Variants in NRG4 observed in about 807,000 individuals in gnomAD.
The protein encoded by NRG4 is neuregulin 4.
Under a neutral mutation model 15.0 loss-of-function variants are expected in NRG4, and 10 were observed. The observed-to-expected ratio is 0.67, with a 90% CI of 0.41 to 1.13. The LOEUF (loss-of-function observed/expected upper bound fraction) is 1.13. NRG4 is among the 50% of genes most tolerant of loss of function. The pLI is 0.00. For missense variants in NRG4, 139 were observed against 140.2 expected (o/e 0.99, Z 0.04); for synonymous variants, 41 against 50.1 (o/e 0.82, Z 0.77).
At chr15:76,009,386 C>G in intron 2 of NRG4, 93 bp from the exon 3 acceptor site, 2 of 574,418 alleles carry the variant, frequency 3.5e-6, no homozygotes, top group Non-Finnish European at 6.1e-6. Flanking sequence ...ACTGAAGTAG[C>G]AATTCTGAAA....
At chr15:75,945,070 A>C (rs1397073048) in intron 5 of NRG4, among the ~76,000 whole-genome samples, 2 of 152,038 alleles carry the variant, frequency 1.3e-5, no homozygotes, top group Non-Finnish European at 2.9e-5. Context: ...AAAAAAATCA[A>C]GAGGCAAACC....
chr15:76,002,499 A>G (rs542430859), intron 3 of NRG4, among the ~76,000 whole-genome samples: 9 of 152,214 alleles, frequency 5.9e-5, no homozygotes, highest in Admixed American at 2.6e-4. Context: ...TAGCCATATC[A>G]GTAAGTTCAT....
intron 3 of NRG4, among the ~76,000 whole-genome samples, chr15:75,996,236 T>C (rs924066844): frequency 6.6e-6 from 1 of 152,302 alleles, no homozygotes; most frequent in East Asian, 1.9e-4. Context: ...CTAATCAATG[T>C]GTATCTGCTG....
At chr15:75,976,708 T>A (rs1164807193) in intron 3 of NRG4, among the ~76,000 whole-genome samples, 1 of 152,160 alleles carries the variant, frequency 6.6e-6, no homozygotes, top group East Asian at 1.9e-4. Context: ...GGAAGCTTCA[T>A]CCTAGAGGGG....
intron 5 of NRG4, among the ~76,000 whole-genome samples, chr15:75,954,451 A>T (rs1278954811): frequency 1.4e-5 from 2 of 139,588 alleles, no homozygotes; most frequent in East Asian, 2.0e-4. Flanking sequence ...TTTTTTTGAG[A>T]CGGAATCTTG....
intron 5 of NRG4, among the ~76,000 whole-genome samples, chr15:75,949,899 C>T (rs574104212): frequency 6.6e-6 from 1 of 152,314 alleles, no homozygotes; most frequent in African/African-American, 2.4e-5. Context: ...TCTGGATGCC[C>T]AGTATGAAGC....
chr15:76,035,813 G>A (rs1022539427), intron 5 of NRG4: 5 of 152,144 alleles, frequency 3.3e-5, no homozygotes, highest in Non-Finnish European at 7.3e-5. Context: ...CCCTGGGGTG[G>A]AGGCTATTTA....
upstream of NRG4, among the ~76,000 whole-genome samples, chr15:76,014,342 G>A (rs1177945851): frequency 5.9e-5 from 9 of 152,084 alleles, no homozygotes; most frequent in Admixed American, 5.9e-4. Context: ...AAGCTCTTTG[G>A]TTTAATTAGA....
chr15:76,051,011 A>T (rs1047930874), intron 4 of NRG4, among the ~76,000 whole-genome samples: 1 of 145,806 alleles, frequency 6.9e-6, no homozygotes, highest in East Asian at 2.0e-4. Flanking sequence ...ATTTATTTTT[A>T]TTTTTATTTT....
chr15:76,057,781 T>C (rs1057465856), intron 1 of NRG4, among the ~76,000 whole-genome samples: 2 of 151,634 alleles, frequency 1.3e-5, no homozygotes, highest in Non-Finnish European at 2.9e-5. Flanking sequence ...TTTATTAGCA[T>C]GTAATTTTCA....
intron 2 of NRG4, 76 bp from the exon 3 acceptor site, chr15:76,009,369 A>C: frequency 1.6e-6 from 1 of 626,978 alleles, no homozygotes; most frequent in Non-Finnish European, 2.7e-6. Context: ...AGGAATAACT[A>C]TCTTAAACTG....
chr15:76,044,300 C>T (rs1239501479), intron 4 of NRG4, among the ~76,000 whole-genome samples: 1 of 150,668 alleles, frequency 6.6e-6, no homozygotes, highest in Non-Finnish European at 1.5e-5. Context: ...CCGCGCCCGG[C>T]CACATGAACT....
At chr15:75,980,383 ATTT>A (rs5813815) in intron 3 of NRG4, among the ~76,000 whole-genome samples, 23 of 142,284 alleles carry the variant, frequency 1.6e-4, no homozygotes, top group African/African-American at 2.3e-4. Context: ...TTCTTTGGGG[ATTT>A]TTTTTTTTTT....
At chr15:76,016,421 G>A (rs2034980765), upstream of NRG4, among the ~76,000 whole-genome samples, 1 of 152,078 alleles carries the variant, frequency 6.6e-6, no homozygotes, top group Non-Finnish European at 1.5e-5. Flanking sequence ...TCTTTTAATT[G>A]TGATGTTAGG....
chr15:75,957,337 T>C (rs1489639097), intron 4 of NRG4, among the ~76,000 whole-genome samples: 1 of 152,246 alleles, frequency 6.6e-6, no homozygotes. Flanking sequence ...TTAAAAGTTG[T>C]CTTCATCTTA....
At chr15:75,936,415 A>G (rs1052116355), downstream of NRG4, 3 of 152,214 alleles carry the variant, frequency 2.0e-5, no homozygotes, top group African/African-American at 7.2e-5. Context: ...TATTGACCCT[A>G]TATAGGGAAG....
chr15:75,978,271 C>G (rs1159207266), intron 3 of NRG4, among the ~76,000 whole-genome samples: 1 of 152,162 alleles, frequency 6.6e-6, no homozygotes, highest in African/African-American at 2.4e-5. Context: ...TATTTTTTGG[C>G]TTTCACATAT....
intron 3 of NRG4, among the ~76,000 whole-genome samples, chr15:75,996,895 A>C: frequency 6.6e-6 from 1 of 152,210 alleles, no homozygotes; most frequent in East Asian, 1.9e-4. Context: ...GGCCAGAATT[A>C]GCTCTATATT....
chr15:76,001,488 GT>G (rs1325086594), intron 3 of NRG4, among the ~76,000 whole-genome samples: 13 of 152,242 alleles, frequency 8.5e-5, no homozygotes, highest in African/African-American at 3.1e-4. Flanking sequence ...CACATCTCCA[GT>G]TCTCAGTCAC....
Sources: gnomAD v4.1 joint callset for allele counts (sites outside exome capture counted in the v4.1 genomes callset) on GRCh38, gnomAD v4.1.1 for gene constraint, MANE v1.5 for transcripts, NCBI Gene and HGNC (gene_info 2026-07-23, HGNC 2026-07-21) for gene names.